The following PHACTR2 variants were observed in gnomAD, a reference collection of about 807,000 sequenced individuals.
PHACTR2 encodes the protein chromosome 6 open reading frame 56.
PHACTR2 carries 30 observed loss-of-function variants against 76.0 expected under a neutral mutation model. That is an observed-to-expected ratio of 0.39 (90% confidence interval 0.30 to 0.54). PHACTR2 has a LOEUF of 0.54. Among genes scored for constraint, PHACTR2 ranks in the 20% least tolerant of loss-of-function variants. The probability of loss-of-function intolerance (pLI) is 0.61; values close to 1 mark genes in which losing one functional copy is unlikely to be tolerated. For synonymous variants in PHACTR2, 292 were observed against 292.5 expected (o/e 1.00, Z 0.02); for missense variants, 696 against 781.1 (o/e 0.89, Z 1.30).
rs1776424724 is a variant in PHACTR2, at chr6:143,821,804, A to G, written c.1923-1870A>G. Among the ~76,000 whole-genome samples, 1 of 152,230 alleles carries G rather than the reference A, an allele frequency of 6.6e-6. No individual in the cohort carries two copies. The highest frequency in any genetic ancestry group is 2.1e-4 in the South Asian group (1 of 4,832). Reference sequence around the variant, plus strand: ...GCAGGAGTTTGAGAACAGCCTGAGCAACATAGCAAAACCCCATTTCTACTA... The same window carrying G: ...GCAGGAGTTTGAGAACAGCCTGAGCGACATAGCAAAACCCCATTTCTACTA... On this transcript the variant is annotated intron_variant, in intron 12 of 12. Coordinates refer to ENST00000440869, the MANE Select transcript of PHACTR2 (RefSeq NM_001100164.2). This position sits in a 1 kb window ranked among gnomAD's most constrained non-coding sequence, Gnocchi z 5.2.
At position 143,544,253 on chromosome 6, in the gene PHACTR2, G is replaced by GGAAGGAAGGGAGGCAGGGAGGGGGAAA. The variant is rs111872744; in HGVS notation, c.217+7055_217+7056insGAGGCAGGGAGGGGGAAAGAAGGAAGG. 3.3e-3 allele frequency among the ~76,000 whole-genome samples: 472 copies of GGAAGGAAGGGAGGCAGGGAGGGGGAAA among 144,138 alleles called. 1 individual carries two copies. The highest frequency in any genetic ancestry group is 0.017 in the East Asian group (89 of 5,110). The allele number at this position is 144,138 out of a possible 152,430, so 94.6% of individuals were successfully genotyped here. On this transcript the variant is annotated intron_variant, in intron 1 of 11. Coordinates refer to the PHACTR2 transcript ENST00000367584. ...CCAGGAGGGAGGGAGGGAGGGAGTG[G>GGAAGGAAGGGAGGCAGGGAGGGGGAAA]GAAGGAAGGAAGGCGGGCAGGCTCC...
rs1777742232 is a variant in PHACTR2, at chr6:143,695,119, G to C, written c.47-16897G>C. Among the ~76,000 whole-genome samples the C allele has an allele frequency of 6.6e-6, 1 of 152,074 alleles. No individual in the cohort carries two copies. The highest frequency in any genetic ancestry group is 1.5e-5 in the Non-Finnish European group (1 of 68,010). The stretch of plus-strand genomic sequence containing the variant: ...ACCTCAGAAATTATTTAATTTTATA[G>C]GCATCTCTTGGACCAGGAATTGCCT... On this transcript the variant is annotated intron_variant, in intron 1 of 12. Transcript: ENST00000440869. The surrounding 1 kb of genome is among the most constrained non-coding windows in gnomAD (Gnocchi z 4.4).
intron 2 of PHACTR2, among the ~76,000 whole-genome samples, chr6:143,720,517 T>C (rs970470227): frequency 6.6e-6 from 1 of 152,222 alleles, no homozygotes; most frequent in Non-Finnish European, 1.5e-5. Flanking sequence ...CTTTCAGTAA[T>C]GGTGTGGACA....
At position 143,679,927 on chromosome 6, in the gene PHACTR2, G is replaced by A. The variant is rs1023420325; in HGVS notation, c.46+1718G>A. ...GGAACGGTGTTATACTTAAATTGCA[G>A]GTCCTCAGTTTTGCGGATTAAAAGT... On this transcript the variant is annotated intron_variant, in intron 1 of 12. Transcript: ENST00000440869. The surrounding 1 kb of genome is among the most constrained non-coding windows in gnomAD (Gnocchi z 4.6). Among the ~76,000 whole-genome samples the A allele has an allele frequency of 6.6e-6, 1 of 152,132 alleles. No individual in the cohort carries two copies. Among genetic ancestry groups the A allele is most frequent in the Non-Finnish European group, 1.5e-5 (1 of 68,028 alleles).
intron 1 of PHACTR2, among the ~76,000 whole-genome samples, chr6:143,665,395 C>T (rs780599571): frequency 5.3e-5 from 8 of 152,100 alleles, no homozygotes; most frequent in South Asian, 2.1e-4. Flanking sequence ...TTTCCCTTGG[C>T]GACACATGGG....
chr6:143,537,430 G>A lies in PHACTR2; in HGVS notation c.217+223G>A, dbSNP rs1219959077. On this transcript the variant is annotated intron_variant, in intron 1 of 11. Coordinates refer to the PHACTR2 transcript ENST00000367584. This position sits in a 1 kb window ranked among gnomAD's most constrained non-coding sequence, Gnocchi z 4.4. ...GCGGAAGATGCTAAAAGCAGGCGACGGCTTGGTGCGCCTTGCGGGGCGAGT... is the reference window on the plus strand; with the variant it reads ...GCGGAAGATGCTAAAAGCAGGCGACAGCTTGGTGCGCCTTGCGGGGCGAGT... 6.6e-6 allele frequency among the ~76,000 whole-genome samples: 1 copy of A among 152,280 alleles called. No individual in the cohort carries two copies. The highest frequency in any genetic ancestry group is 1.5e-5 in the Non-Finnish European group (1 of 68,010).
intron 1 of PHACTR2, among the ~76,000 whole-genome samples, chr6:143,613,648 A>C (rs183637960): frequency 2.5e-4 from 38 of 152,338 alleles, no homozygotes; most frequent in Non-Finnish European, 4.6e-4. Flanking sequence ...GGCAGAATGA[A>C]TTGTGATTTT....
rs1355825639 is a variant in PHACTR2, at chr6:143,621,909, T to C, written c.13+13587T>C. ...GCCTTGCTCACCTCTCACATTTTGCTGTTGTGCACTTGCTTCTGGCAGCTC... is the reference window on the plus strand; with the variant it reads ...GCCTTGCTCACCTCTCACATTTTGCCGTTGTGCACTTGCTTCTGGCAGCTC... On this transcript the variant is annotated intron_variant, in intron 1 of 11. Transcript: ENST00000305766. The surrounding 1 kb of genome is among the most constrained non-coding windows in gnomAD (Gnocchi z 4.1). Among the ~76,000 whole-genome samples, 1 of 152,228 alleles carries C rather than the reference T, an allele frequency of 6.6e-6. No homozygotes were observed. The highest frequency in any genetic ancestry group is 2.4e-5 in the African/African-American group (1 of 41,466).
chr6:143,617,722 A>G lies in PHACTR2; in HGVS notation c.13+9400A>G, dbSNP rs1259452241. Among the ~76,000 whole-genome samples the G allele has an allele frequency of 6.6e-6, 1 of 152,172 alleles. No homozygotes were observed. Among genetic ancestry groups the G allele is most frequent in the Non-Finnish European group, 1.5e-5 (1 of 68,038 alleles). Reference sequence around the variant, plus strand: ...AGGTGAGATGTGAGGCTGTGAGATTAATGAGACCTCCAAGGAAATGGCTGA... The same window carrying G: ...AGGTGAGATGTGAGGCTGTGAGATTGATGAGACCTCCAAGGAAATGGCTGA... On this transcript the variant is annotated intron_variant, in intron 1 of 11. Coordinates refer to the PHACTR2 transcript ENST00000305766. This position sits in a 1 kb window ranked among gnomAD's most constrained non-coding sequence, Gnocchi z 4.8.
rs919070319 is a variant in PHACTR2, at chr6:143,688,734, G to A, written c.46+10525G>A. On this transcript the variant is annotated intron_variant, in intron 1 of 12. Coordinates refer to ENST00000440869, the MANE Select transcript of PHACTR2 (RefSeq NM_001100164.2). This position sits in a 1 kb window ranked among gnomAD's most constrained non-coding sequence, Gnocchi z 5.2. ...TCTTCCGTCTGTCCCTACTGCCACC[G>A]TCCAAGCTCTGGGGCCATCCATTAC... 1.3e-5 allele frequency among the ~76,000 whole-genome samples: 2 copies of A among 152,096 alleles called. No homozygotes were observed. Among genetic ancestry groups the A allele is most frequent in the South Asian group, 2.1e-4 (1 of 4,828 alleles).
chr6:143,625,582 A>C lies in PHACTR2; in HGVS notation c.13+17260A>C, dbSNP rs886649075. On this transcript the variant is annotated intron_variant, in intron 1 of 11. Coordinates refer to the PHACTR2 transcript ENST00000305766. This position sits in a 1 kb window ranked among gnomAD's most constrained non-coding sequence, Gnocchi z 4.3. ...GTGTGTCTCCAATAGATGTAATATC[A>C]CCAGTGACTGTGGGAACTTTGCAAT... Among the ~76,000 whole-genome samples the C allele has an allele frequency of 1.3e-5, 2 of 152,214 alleles. No individual in the cohort carries two copies. Among genetic ancestry groups the C allele is most frequent in the African/African-American group, 4.8e-5 (2 of 41,460 alleles).
rs1277875511 is a variant in PHACTR2 at position 143,633,551 on chromosome 6, C to A, written c.13+25229C>A. Among the ~76,000 whole-genome samples the A allele has an allele frequency of 1.3e-5, 2 of 152,178 alleles. No individual in the cohort carries two copies. The highest frequency in any genetic ancestry group is 2.9e-5 in the Non-Finnish European group (2 of 68,036). ...TATATTTTGGGTAACCATCATTTATCAGATATGTCTTCTGCAAGTAGTTTT... is the reference window on the plus strand; with the variant it reads ...TATATTTTGGGTAACCATCATTTATAAGATATGTCTTCTGCAAGTAGTTTT... On this transcript the variant is annotated intron_variant, in intron 1 of 11. Transcript: ENST00000305766. This position sits in a 1 kb window ranked among gnomAD's most constrained non-coding sequence, Gnocchi z 4.1.
chr6:143,642,710 CTA>C (rs1321782677), intron 1 of PHACTR2, among the ~76,000 whole-genome samples: 3 of 152,144 alleles, frequency 2.0e-5, no homozygotes, highest in Non-Finnish European at 4.4e-5. Flanking sequence ...AGGGAGAACA[CTA>C]TGTGAAGATG....
At chr6:143,631,658 G>A (rs1426958529) in intron 1 of PHACTR2, among the ~76,000 whole-genome samples, 5 of 152,124 alleles carry the variant, frequency 3.3e-5, no homozygotes, top group African/African-American at 4.8e-5. Context: ...AACCGATAAT[G>A]TCCAGCTTCA....
chr6:143,574,725 A>T (rs1403828349), intron 1 of PHACTR2, among the ~76,000 whole-genome samples: 1 of 150,782 alleles, frequency 6.6e-6, no homozygotes, highest in African/African-American at 2.4e-5. Context: ...TGAGTCAGTT[A>T]TGTTGGAAAT....
rs180931471 is a variant in PHACTR2 at position 143,563,723 on chromosome 6, C to T, written c.217+26516C>T. ...AAAATATATTTATTCTGGCTGCGCA[C>T]GGTGGCTCATGCCTGTAATCCCAGC... is the stretch of plus-strand genomic sequence containing the variant. On this transcript the variant is annotated intron_variant, in intron 1 of 11. Coordinates refer to the PHACTR2 transcript ENST00000367584. Among the ~76,000 whole-genome samples, 41 of 151,828 alleles carry T rather than the reference C, an allele frequency of 2.7e-4. No individual in the cohort carries two copies. In the East Asian group the frequency reaches 6.2e-3, roughly 23 times the overall value.
rs113124489 is a variant in PHACTR2, at chr6:143,716,614, C to T, written c.214+4431C>T. Among the ~76,000 whole-genome samples the T allele has an allele frequency of 8.8e-3, 1,343 of 152,336 alleles. 27 individuals carry two copies. The highest frequency in any genetic ancestry group is 0.031 in the African/African-American group (1,271 of 41,576). On this transcript the variant is annotated intron_variant, in intron 2 of 12. Coordinates refer to ENST00000440869, the MANE Select transcript of PHACTR2 (RefSeq NM_001100164.2). Reference sequence around the variant, plus strand: ...TCAGCTTACTGAAGTGCTGAGAGTACAGGCGTGAGCCACCTCACTCAGTCT... The same window carrying T: ...TCAGCTTACTGAAGTGCTGAGAGTATAGGCGTGAGCCACCTCACTCAGTCT...
Position 143,623,613 on chromosome 6 carries a change from T to C in PHACTR2, c.13+15291T>C, listed in dbSNP as rs755028804. Among the ~76,000 whole-genome samples, 1 of 152,058 alleles carries C rather than the reference T, an allele frequency of 6.6e-6. No individual in the cohort carries two copies. The highest frequency in any genetic ancestry group is 1.5e-5 in the Non-Finnish European group (1 of 68,012). ...TAGTAATAATAATAATAATACCAAA[T>C]GAGAGAGAAATAATTCTGAACTCTT... On this transcript the variant is annotated intron_variant, in intron 1 of 11. Coordinates refer to the PHACTR2 transcript ENST00000305766. The surrounding 1 kb of genome is among the most constrained non-coding windows in gnomAD (Gnocchi z 5.9).
chr6:143,560,551 A>T (rs908273637), intron 1 of PHACTR2, among the ~76,000 whole-genome samples: 1 of 152,258 alleles, frequency 6.6e-6, no homozygotes, highest in African/African-American at 2.4e-5. Context: ...AATGAGTAAG[A>T]TACCATTAGT....
Sources: allele counts gnomAD v4.1 joint callset (sites outside exome capture counted in the v4.1 genomes callset), GRCh38; gene constraint gnomAD v4.1.1; non-coding constraint Gnocchi (gnomAD v3.1); transcripts MANE v1.5; gene names NCBI Gene and HGNC (gene_info 2026-07-23, HGNC 2026-07-21).